The following PPP2R5E variants were observed in gnomAD, a reference collection of about 807,000 sequenced individuals.
PPP2R5E encodes protein phosphatase 2 regulatory subunit B'epsilon, also known as serine/threonine-protein phosphatase 2A 56 kDa regulatory subunit epsilon isoform.
PPP2R5E carries 4 observed loss-of-function variants against 65.3 expected under a neutral mutation model. That is an observed-to-expected ratio of 0.06 (90% CI 0.03 to 0.14). The LOEUF is 0.14. Among genes scored for constraint, PPP2R5E ranks in the 10% least tolerant of loss-of-function variants. The probability of loss-of-function intolerance (pLI) is 1.00; values close to 1 mark genes in which losing one functional copy is unlikely to be tolerated. For missense variants in PPP2R5E, 274 were observed against 556.1 expected, an observed-to-expected ratio of 0.49 and a Z score of 5.10; for synonymous variants, 183 against 187.4, an observed-to-expected ratio of 0.98 and a Z score of 0.19.
At chr14:63,483,878 T>C (rs1346869841) in intron 2 of PPP2R5E, among the ~76,000 whole-genome samples, 2 of 151,454 alleles carry the variant, frequency 1.3e-5, no homozygotes, top group African/African-American at 4.9e-5. Context: ...AGGTCAGGAG[T>C]TCGACACCAG....
At position 63,374,634 on chromosome 14, in the gene PPP2R5E, G is replaced by GATAGATATATATATATATATATATAT; in HGVS notation, c.*1374_*1375insATATATATATATATATATATATCTAT. ...TAAATACAAAGCAGAGAGCCAATAA[G>GATAGATATATATATATATATATATAT]ATATATATATATATATATATATATA... is the stretch of plus-strand genomic sequence containing the variant. On this transcript the variant is annotated 3_prime_UTR_variant, in exon 14 of 14. Transcript: ENST00000337537. 9.1e-6 allele frequency: 1 copy of GATAGATATATATATATATATATATAT among 109,574 alleles called. No homozygotes were observed. The highest frequency in any genetic ancestry group is 4.8e-5 in the African/African-American group (1 of 20,674). The allele number at this position is 109,574 out of a possible 1,614,324, so 6.8% of individuals were successfully genotyped here.
At chr14:63,440,671 G>A (rs1005934928) in intron 3 of PPP2R5E, among the ~76,000 whole-genome samples, 2 of 151,792 alleles carry the variant, frequency 1.3e-5, no homozygotes, top group Non-Finnish European at 2.9e-5. Context: ...GGGTGCAGTG[G>A]CTCACGCCCG....
At chr14:63,441,062 C>G (rs757612612) in intron 3 of PPP2R5E, among the ~76,000 whole-genome samples, 12 of 152,034 alleles carry the variant, frequency 7.9e-5, no homozygotes, top group Non-Finnish European at 1.3e-4. Flanking sequence ...TCTTCCTTTA[C>G]CTTATCTACA....
rs184092302 is a variant in PPP2R5E at position 63,438,668 on chromosome 14, C to G, written c.354+15021G>C. On this transcript the variant is annotated intron_variant, in intron 3 of 13. Coordinates refer to ENST00000337537, the MANE Select transcript of PPP2R5E (RefSeq NM_006246.5). ...AACAATTTTAAGTATATTAAAAACT[C>G]TGAACAACCTTTAAAGCAGTTAAGC... is the stretch of plus-strand genomic sequence containing the variant. Among the ~76,000 whole-genome samples the G allele has an allele frequency of 2.6e-5, 4 of 152,294 alleles. No individual in the cohort carries two copies. The East Asian group carries it at 5.8e-4, about 22-fold the overall frequency.
chr14:63,494,313 A>C (rs117010443), intron 2 of PPP2R5E, among the ~76,000 whole-genome samples: 3,166 of 152,102 alleles, frequency 0.021, 217 homozygotes, highest in East Asian at 0.18. Flanking sequence ...AGCTCACTAC[A>C]ACCTCTACCT....
chr14:63,500,048 T>C (rs1398059172), intron 2 of PPP2R5E, among the ~76,000 whole-genome samples: 1 of 152,256 alleles, frequency 6.6e-6, no homozygotes, highest in East Asian at 1.9e-4. Flanking sequence ...TCAAGCTTCA[T>C]TTAACTATCC....
chr14:63,469,242 T>C (rs1480195864), intron 2 of PPP2R5E, among the ~76,000 whole-genome samples: 1 of 152,026 alleles, frequency 6.6e-6, no homozygotes, highest in East Asian at 1.9e-4. Flanking sequence ...ACCATATAGA[T>C]AAATATAAAA....
chr14:63,408,972 C>T (rs1250766183), intron 5 of PPP2R5E, among the ~76,000 whole-genome samples: 1 of 152,132 alleles, frequency 6.6e-6, no homozygotes, highest in Non-Finnish European at 1.5e-5. Context: ...TGGCTCATGC[C>T]TGTAATTCCA....
intron 2 of PPP2R5E, among the ~76,000 whole-genome samples, chr14:63,533,086 C>T (rs540117771): frequency 2.0e-5 from 3 of 152,214 alleles, no homozygotes; most frequent in South Asian, 4.1e-4. Context: ...CCTCCCACCT[C>T]GACCTGCCAA....
chr14:63,403,637 G>GAAA (rs746448979), intron 5 of PPP2R5E, among the ~76,000 whole-genome samples: 1 of 107,424 alleles, frequency 9.3e-6, no homozygotes, highest in Non-Finnish European at 2.0e-5. Flanking sequence ...AGGTCTCCAA[G>GAAA]AAAAAAAAAA....
chr14:63,407,036 C>T (rs140186017), intron 5 of PPP2R5E, among the ~76,000 whole-genome samples: 245 of 152,300 alleles, frequency 1.6e-3, no homozygotes, highest in African/African-American at 5.7e-3. Flanking sequence ...ACCAGCATAA[C>T]GTTTACTGAA....
intron 3 of PPP2R5E, among the ~76,000 whole-genome samples, chr14:63,428,938 TAATAG>T (rs1322415390): frequency 6.6e-6 from 1 of 152,178 alleles, no homozygotes; most frequent in African/African-American, 2.4e-5. Context: ...GAAAATATTA[TAATAG>T]AACAGAGTGT....
chr14:63,507,771 G>C (rs958896631), intron 2 of PPP2R5E, among the ~76,000 whole-genome samples: 2 of 151,702 alleles, frequency 1.3e-5, no homozygotes, highest in African/African-American at 4.8e-5. Context: ...GTAGAGACGG[G>C]GTTTCACCAT....
chr14:63,378,968 G>C (rs1330071896), intron 13 of PPP2R5E, among the ~76,000 whole-genome samples: 1 of 151,688 alleles, frequency 6.6e-6, no homozygotes, highest in Non-Finnish European at 1.5e-5. Flanking sequence ...GTTTCCATCT[G>C]TCAGTACACC....
chr14:63,508,991 G>A (rs1892341791), intron 2 of PPP2R5E, among the ~76,000 whole-genome samples: 1 of 152,160 alleles, frequency 6.6e-6, no homozygotes, highest in South Asian at 2.1e-4. Context: ...ATCTGCACCT[G>A]AACATCTTCA....
chr14:63,381,833 C>T (rs1234447807), intron 13 of PPP2R5E, among the ~76,000 whole-genome samples: 1 of 152,194 alleles, frequency 6.6e-6, no homozygotes, highest in Non-Finnish European at 1.5e-5. Flanking sequence ...TAGTAGGCTA[C>T]ACCATCTAGG....
At chr14:63,396,550 T>A (rs201587729) in intron 6 of PPP2R5E, 36 bp downstream of exon 6, 2 of 1,605,150 alleles carry the variant, frequency 1.2e-6, no homozygotes, top group East Asian at 4.5e-5. Context: ...AACACCAACT[T>A]TGCTTCTCCT....
At chr14:63,490,393 C>T (rs554243937) in intron 2 of PPP2R5E, among the ~76,000 whole-genome samples, 26 of 152,122 alleles carry the variant, frequency 1.7e-4, no homozygotes, top group African/African-American at 6.0e-4. Context: ...CAAGTGGAAC[C>T]TAATTAAACT....
chr14:63,433,290 G>A (rs1056714388), intron 3 of PPP2R5E, among the ~76,000 whole-genome samples: 5 of 152,022 alleles, frequency 3.3e-5, no homozygotes, highest in South Asian at 2.1e-4. Flanking sequence ...CACCTGCCTC[G>A]GCCTCCCATA....
Sources: gnomAD v4.1 joint callset for allele counts (sites outside exome capture counted in the v4.1 genomes callset) on GRCh38, gnomAD v4.1.1 for gene constraint, MANE v1.5 for transcripts, NCBI Gene and HGNC (gene_info 2026-07-23, HGNC 2026-07-21) for gene names.